DSG4: variants seen among roughly 807,000 people sequenced by gnomAD.
The protein encoded by DSG4 is desmoglein-4.
DSG4 carries 87 observed loss-of-function variants against 93.1 expected under a neutral mutation model. The observed-to-expected ratio is 0.93, with a 90% confidence interval of 0.79 to 1.12. DSG4 has a LOEUF of 1.12. DSG4 is among the 50% of genes most tolerant of loss of function. The pLI is 0.00. For missense variants in DSG4, 1,373 were observed against 1,285.7 expected, an observed-to-expected ratio of 1.07 and a Z score of -1.04; for synonymous variants, 432 against 452.9, an observed-to-expected ratio of 0.95 and a Z score of 0.59.
At chr18:31,392,903 G>A (rs1270912617) in intron 8 of DSG4, among the ~76,000 whole-genome samples, 1 of 152,186 alleles carries the variant, frequency 6.6e-6, no homozygotes, top group African/African-American at 2.4e-5. Flanking sequence ...ATCAAGTAGG[G>A]AAGTAATCAG....
At chr18:31,388,663 G>C in intron 4 of DSG4, 141 bp downstream of exon 4, 1 of 1,330,838 alleles carries the variant, frequency 7.5e-7, no homozygotes, top group Non-Finnish European at 1.0e-6. Flanking sequence ...AATGGAAAGA[G>C]TGTGAAAATA....
intron 1 of DSG4, among the ~76,000 whole-genome samples, chr18:31,380,273 T>C (rs529841203): frequency 6.6e-6 from 1 of 152,336 alleles, no homozygotes; most frequent in South Asian, 2.1e-4. Flanking sequence ...TTTTGAAAGA[T>C]ACTTTTTTTG....
intron 15 of DSG4, 80 bp from the exon 16 acceptor site, chr18:31,412,748 T>C (rs1189050961): frequency 4.6e-5 from 66 of 1,443,196 alleles, no homozygotes; most frequent in Non-Finnish European, 6.0e-5. Flanking sequence ...AACTCAGAAG[T>C]CTCTCTGAGG....
At chr18:31,406,601 A>G (rs1015201618) in intron 12 of DSG4, among the ~76,000 whole-genome samples, 1 of 152,180 alleles carries the variant, frequency 6.6e-6, no homozygotes, top group Non-Finnish European at 1.5e-5. Context: ...AACACATGCA[A>G]ATCACTACAT....
At chr18:31,404,241 A>T (rs1484024681) in intron 11 of DSG4, among the ~76,000 whole-genome samples, 1 of 152,250 alleles carries the variant, frequency 6.6e-6, no homozygotes, top group Non-Finnish European at 1.5e-5. Flanking sequence ...TATGCAAAGT[A>T]TGTAGATACA....
rs4799570 is a variant in DSG4 at position 31,406,370 on chromosome 18, A to C, written c.1930A>C (p.Ile644Leu). 0.91 allele frequency: 1,461,740 copies of C among 1,614,036 alleles called. 662,833 individuals are homozygous for C. The highest frequency in any genetic ancestry group is 1 in the East Asian group (44,870 of 44,880). Reference protein sequence around the residue: ...GMMVLGILLLILAPLLLLLCC... With the variant: ...GMMVLGILLLLLAPLLLLLCC... ...GATGGTTCTGGGCATCCTGCTACTG[A>C]TTTGTAAGTACTCAATTAAATCCTT... Residue 644 changes from isoleucine (I) to leucine (L), a missense_variant, in exon 12 of 16, where the codon ATT becomes CTT. Ile to Leu is a conservative substitution (Grantham distance 5, BLOSUM62 2). Coordinates refer to ENST00000308128, the MANE Select transcript of DSG4 (RefSeq NM_177986.5).
intron 1 of DSG4, among the ~76,000 whole-genome samples, chr18:31,381,972 TAG>T (rs201929945): frequency 3.3e-5 from 5 of 151,512 alleles, no homozygotes; most frequent in Non-Finnish European, 7.4e-5. Flanking sequence ...CCCAGCCAAA[TAG>T]TAGTATCTTA....
chr18:31,386,883 C>A, intron 3 of DSG4, 64 bp downstream of exon 3: 1 of 1,605,892 alleles, frequency 6.2e-7, no homozygotes, highest in East Asian at 2.2e-5. Flanking sequence ...CAAATATCTC[C>A]AAGATTTGCA....
chr18:31,386,846 A>G, intron 3 of DSG4, 27 bp downstream of exon 3: 1 of 1,612,412 alleles, frequency 6.2e-7, no homozygotes, highest in Non-Finnish European at 8.5e-7. Context: ...TCTGATGACA[A>G]ATGCTTTTGC....
Position 31,399,633 on chromosome 18 carries a change from G to T in DSG4, c.1277+90G>T, listed in dbSNP as rs2072344116. The stretch of plus-strand genomic sequence containing the variant: ...AATATATGTTGGTTGTAATACTTTT[G>T]GAGGGCTTTTTTGCTTTTATTATTC... On this transcript the variant is annotated intron_variant, in intron 9 of 15. Coordinates refer to ENST00000308128, the MANE Select transcript of DSG4 (RefSeq NM_177986.5). 3 of 1,552,958 alleles carry T rather than the reference G, an allele frequency of 1.9e-6. No individual in the cohort carries two copies. In the South Asian group the frequency reaches 3.4e-5, roughly 18 times the overall value.
intron 8 of DSG4, among the ~76,000 whole-genome samples, chr18:31,397,060 T>C (rs1197752810): frequency 6.6e-6 from 1 of 152,168 alleles, no homozygotes; most frequent in Non-Finnish European, 1.5e-5. Context: ...GACTTCTAAC[T>C]TTCTCCCTTT....
chr18:31,403,432 A>G lies in DSG4; in HGVS notation c.1434A>G (p.Thr478=). The G allele has an allele frequency of 6.2e-7, 1 of 1,612,950 alleles. No homozygotes were observed. The highest frequency in any genetic ancestry group is 8.5e-7 in the Non-Finnish European group (1 of 1,179,404). Reference sequence around the variant, plus strand: ...CTCTTTCAGATGGCTCTGGAAAAACAGCTACAGGAACCATATGTATTGAGG... The same window carrying G: ...CTCTTTCAGATGGCTCTGGAAAAACGGCTACAGGAACCATATGTATTGAGG... ...ILAIDDGSGK[T]ATGTICIEVP... Residue 478 remains threonine (T), a synonymous_variant, in exon 11 of 16, where the codon ACA becomes ACG. Transcript: ENST00000308128.
rs143759759 is a variant in DSG4, at chr18:31,381,035, C to T, written c.48+4076C>T. On this transcript the variant is annotated intron_variant, in intron 1 of 15. Transcript: ENST00000308128. ...TATCCTGTTATTCCTCTCTGGAATA[C>T]ATACATTATTACAGGTCGAAACTTG... 2.3e-4 allele frequency among the ~76,000 whole-genome samples: 35 copies of T among 152,302 alleles called. 1 individual carries two copies. In the South Asian group the frequency reaches 5.6e-3, roughly 24 times the overall value.
intron 12 of DSG4, among the ~76,000 whole-genome samples, chr18:31,408,666 C>T (rs901965707): frequency 7.9e-5 from 12 of 152,152 alleles, no homozygotes; most frequent in African/African-American, 2.7e-4. Context: ...GGCATCCATC[C>T]CCTCAAGCAT....
rs16961784 is a variant in DSG4 at position 31,391,019 on chromosome 18, G to A, written c.685-59G>A. 0.014 allele frequency: 23,098 copies of A among 1,600,626 alleles called. 2,256 individuals are homozygous for A. The African/African-American group carries it at 0.23, about 16-fold the overall frequency. On this transcript the variant is annotated intron_variant, in intron 6 of 15. Coordinates refer to ENST00000308128, the MANE Select transcript of DSG4 (RefSeq NM_177986.5). ...GAGTAGAGAAATAATGGCATTGAATGCATTGGATTCTATTCAAGACAAAAC... is the reference window on the plus strand; with the variant it reads ...GAGTAGAGAAATAATGGCATTGAATACATTGGATTCTATTCAAGACAAAAC...
At chr18:31,385,870 A>T (rs1168660663) in intron 2 of DSG4, among the ~76,000 whole-genome samples, 1 of 152,100 alleles carries the variant, frequency 6.6e-6, no homozygotes. Context: ...GCCTAAGTAA[A>T]CTTATAATCA....
intron 1 of DSG4, among the ~76,000 whole-genome samples, chr18:31,381,591 A>G (rs139444575): frequency 8.4e-4 from 127 of 151,054 alleles, no homozygotes; most frequent in African/African-American, 3.0e-3. Context: ...TTAACATGTC[A>G]CTCTTTCTAG....
chr18:31,413,087 G>C lies in DSG4; in HGVS notation c.2615G>C (p.Gly872Ala). Residue 872 changes from glycine (G) to alanine (A), a missense_variant, in exon 16 of 16, where the codon GGA becomes GCA. By Grantham distance (60) the Gly-to-Ala change is moderately conservative (BLOSUM62 0). Coordinates refer to ENST00000308128, the MANE Select transcript of DSG4 (RefSeq NM_177986.5). ...ATCAGTACTGACCTCCCTTTGCTCG[G>C]ACCTAATTACTTTGTTAATGAATCT... ...IPISTDLPLL[G>A]PNYFVNESSG... 6.2e-7 allele frequency: 1 copy of C among 1,614,048 alleles called. No individual in the cohort carries two copies. The highest frequency in any genetic ancestry group is 8.5e-7 in the Non-Finnish European group (1 of 1,180,020).
At chr18:31,384,954 T>C (rs1172083374) in intron 1 of DSG4, among the ~76,000 whole-genome samples, 182 bp from the exon 2 acceptor site, 1 of 152,190 alleles carries the variant, frequency 6.6e-6, no homozygotes, top group Non-Finnish European at 1.5e-5. Flanking sequence ...TTCTCTAAAA[T>C]GTAAATACTT....
Sources: allele counts gnomAD v4.1 joint callset (sites outside exome capture counted in the v4.1 genomes callset), GRCh38; gene constraint gnomAD v4.1.1; transcripts MANE v1.5; gene names NCBI Gene and HGNC (gene_info 2026-07-23, HGNC 2026-07-21).